CHRDL1: variants seen among roughly 807,000 people sequenced by gnomAD.
CHRDL1 encodes the protein chordin-like protein 1.
Under a neutral mutation model 40.9 loss-of-function variants are expected in CHRDL1, and 19 were observed. The ratio of observed to expected loss-of-function variants is 0.46; its 90% confidence interval spans 0.32 to 0.68. The LOEUF is 0.68. Among genes scored for constraint, CHRDL1 ranks in the 30% least tolerant of loss-of-function variants. The pLI, the probability that CHRDL1 is intolerant of heterozygous loss-of-function variation, is 0.03. For synonymous variants in CHRDL1, 136 were observed against 123.4 expected (o/e 1.10, Z -0.68); for missense variants, 329 against 352.1 (o/e 0.93, Z 0.53).
intron 2 of CHRDL1, among the ~76,000 whole-genome samples, chrX:110,785,317 A>G (rs1038531603): frequency 4.5e-5 from 5 of 112,023 alleles, no homozygotes; most frequent in Admixed American, 2.9e-4. Context: ...ACTCAAAAAC[A>G]AAAAGCCAAA....
chrX:110,687,428 G>A (rs910768523), intron 9 of CHRDL1, among the ~76,000 whole-genome samples: 6 of 111,648 alleles, frequency 5.4e-5, no homozygotes, highest in South Asian at 3.8e-4. Flanking sequence ...ACAAGTTTGA[G>A]TACCACTGGC....
chrX:110,688,451 A>AG (rs1363286046), intron 9 of CHRDL1, 143 bp downstream of exon 9: 6 of 476,719 alleles, frequency 1.3e-5, no homozygotes, highest in Non-Finnish European at 2.2e-5. Flanking sequence ...GTCTTTCAAG[A>AG]GAAGAGAGAA....
intron 6 of CHRDL1, 137 bp downstream of exon 6, chrX:110,719,698 A>T: frequency 3.4e-6 from 1 of 294,977 alleles, no homozygotes. Flanking sequence ...TCCCTTTGTT[A>T]ATTAAACCAC....
intron 2 of CHRDL1, among the ~76,000 whole-genome samples, chrX:110,791,863 A>C (rs891303904): frequency 3.6e-5 from 4 of 112,092 alleles, no homozygotes; most frequent in Non-Finnish European, 7.5e-5. Flanking sequence ...ATGTTCTATG[A>C]GACAAAGACT....
intron 4 of CHRDL1, among the ~76,000 whole-genome samples, chrX:110,732,067 C>T (rs758167386): frequency 4.6e-5 from 5 of 109,475 alleles, no homozygotes; most frequent in African/African-American, 6.7e-5. Flanking sequence ...CAGAGCGGAG[C>T]GGGCCTGAAA....
intron 4 of CHRDL1, among the ~76,000 whole-genome samples, chrX:110,725,132 T>C (rs1174140107): frequency 9.0e-6 from 1 of 111,640 alleles, no homozygotes; most frequent in South Asian, 3.8e-4. Flanking sequence ...GAAAAAACCA[T>C]TGTAGGGTGA....
chrX:110,692,410 G>T (rs1396246851), intron 8 of CHRDL1, among the ~76,000 whole-genome samples: 1 of 111,680 alleles, frequency 9.0e-6, no homozygotes, highest in Non-Finnish European at 1.9e-5. Context: ...AAATCAGTGG[G>T]GGCAAATGAA....
chrX:110,717,143 T>C (rs2070857696), intron 6 of CHRDL1, among the ~76,000 whole-genome samples: 1 of 111,813 alleles, frequency 8.9e-6, no homozygotes, highest in Non-Finnish European at 1.9e-5. Context: ...CAGACCACCA[T>C]TCTGCATCAG....
chrX:110,789,456 C>G (rs2090065463), intron 2 of CHRDL1, among the ~76,000 whole-genome samples: 1 of 112,058 alleles, frequency 8.9e-6, no homozygotes. Flanking sequence ...TAAAGATGTT[C>G]ATAAATGTCT....
intron 6 of CHRDL1, among the ~76,000 whole-genome samples, chrX:110,719,142 G>A (rs2070898533): frequency 9.0e-6 from 1 of 111,361 alleles, no homozygotes; most frequent in African/African-American, 3.3e-5. Flanking sequence ...TAAGGATATT[G>A]CCAGTGGGAA....
intron 2 of CHRDL1, among the ~76,000 whole-genome samples, chrX:110,791,445 T>TC (rs1380620000): frequency 3.6e-5 from 4 of 111,650 alleles, no homozygotes; most frequent in African/African-American, 1.3e-4. Context: ...CGCCCCCACT[T>TC]CCTGCCACTC....
intron 4 of CHRDL1, among the ~76,000 whole-genome samples, chrX:110,757,644 G>A (rs2089478509): frequency 9.0e-6 from 1 of 111,431 alleles, no homozygotes; most frequent in Non-Finnish European, 1.9e-5. Context: ...TAGTTAACAA[G>A]AAGAAAAATG....
At chrX:110,740,360 A>G (rs1433079628) in intron 4 of CHRDL1, among the ~76,000 whole-genome samples, 1 of 112,417 alleles carries the variant, frequency 8.9e-6, no homozygotes, top group Non-Finnish European at 1.9e-5. Context: ...TGCTCTGGCC[A>G]ATGCCAGATG....
chrX:110,731,376 G>A (rs1229030448), intron 4 of CHRDL1, among the ~76,000 whole-genome samples: 2 of 111,020 alleles, frequency 1.8e-5, no homozygotes, highest in Non-Finnish European at 3.8e-5. Context: ...ATACAGTGCT[G>A]GTGAGAATGT....
intron 4 of CHRDL1, among the ~76,000 whole-genome samples, chrX:110,758,513 T>C (rs2089499643): frequency 9.0e-6 from 1 of 111,528 alleles, no homozygotes. Flanking sequence ...AAAAAGAGTT[T>C]GGGTGTTTCT....
intron 2 of CHRDL1, among the ~76,000 whole-genome samples, chrX:110,765,525 G>A (rs2089644858): frequency 9.0e-6 from 1 of 111,661 alleles, no homozygotes; most frequent in Admixed American, 9.5e-5. Flanking sequence ...CATGTGGCTT[G>A]CCAGTTATCC....
intron 2 of CHRDL1, among the ~76,000 whole-genome samples, chrX:110,774,642 A>G (rs1467802930): frequency 1.8e-5 from 2 of 111,704 alleles, no homozygotes; most frequent in African/African-American, 6.5e-5. Context: ...AATTTTTGCT[A>G]AATGATTAGA....
intron 1 of CHRDL1, 22 bp downstream of exon 1, chrX:110,795,722 G>A (rs770133493): frequency 2.7e-5 from 3 of 112,857 alleles, no homozygotes; most frequent in African/African-American, 9.7e-5. Flanking sequence ...AGGGAAGCGG[G>A]CGCCGGGCAC....
At chrX:110,787,741 G>A (rs559496788) in intron 2 of CHRDL1, among the ~76,000 whole-genome samples, 83 of 112,409 alleles carry the variant, frequency 7.4e-4, no homozygotes, top group African/African-American at 2.5e-3. Flanking sequence ...TTTCTCTTGA[G>A]GAGAAAAATA....
Sources: allele counts gnomAD v4.1 joint callset (sites outside exome capture counted in the v4.1 genomes callset), GRCh38; gene constraint gnomAD v4.1.1; transcripts MANE v1.5; gene names NCBI Gene and HGNC (gene_info 2026-07-23, HGNC 2026-07-21).